Variants in VTI1A observed in about 807,000 individuals in gnomAD.
The protein encoded by VTI1A is vesicle transport through interaction with t-SNAREs 1A.
A neutral mutation model predicts 34.9 loss-of-function variants in VTI1A; 22 were observed. That is an observed-to-expected ratio of 0.63 (90% CI 0.45 to 0.90). The LOEUF is 0.90. Ranked by LOEUF, VTI1A falls within the 40% of genes least tolerant of loss-of-function variation. The pLI is 0.00. For synonymous variants in VTI1A, 87 were observed against 97.3 expected (o/e 0.89, Z 0.62); for missense variants, 268 against 275.6 (o/e 0.97, Z 0.20).
At chr10:112,760,969 T>G (rs1851445503) in intron 7 of VTI1A, among the ~76,000 whole-genome samples, 2 of 152,120 alleles carry the variant, frequency 1.3e-5, no homozygotes, top group Admixed American at 1.3e-4. Flanking sequence ...CACATTTGAT[T>G]TAAGAATGCA....
intron 3 of VTI1A, among the ~76,000 whole-genome samples, chr10:112,511,706 C>T (rs773592285): frequency 3.2e-4 from 48 of 152,076 alleles, no homozygotes; most frequent in Non-Finnish European, 6.2e-4. Context: ...TCTTCATCCT[C>T]CCTCCTCCTC....
intron 5 of VTI1A, among the ~76,000 whole-genome samples, chr10:112,605,856 A>G (rs1342698910): frequency 6.6e-6 from 1 of 152,166 alleles, no homozygotes; most frequent in Non-Finnish European, 1.5e-5. Context: ...TGGAGAGTGC[A>G]TCTTAAGTTA....
intron 5 of VTI1A, among the ~76,000 whole-genome samples, chr10:112,632,932 T>C (rs1488790102): frequency 6.6e-6 from 1 of 152,264 alleles, no homozygotes; most frequent in African/African-American, 2.4e-5. Context: ...GAAATACTTC[T>C]TATTTTGTTG....
At chr10:112,562,103 A>G (rs1193701260) in intron 5 of VTI1A, among the ~76,000 whole-genome samples, 1 of 152,138 alleles carries the variant, frequency 6.6e-6, no homozygotes, top group Non-Finnish European at 1.5e-5. Context: ...GCAAATGCCT[A>G]TTTTTCTGCT....
chr10:112,460,577 G>A lies in VTI1A; in HGVS notation c.148G>A (p.Glu50Lys), dbSNP rs773619213. The A allele has an allele frequency of 1.9e-6, 3 of 1,608,676 alleles. No individual in the cohort carries two copies. In the African/African-American group the frequency reaches 4.0e-5, roughly 22 times the overall value. The change falls in exon 2 of 8, where the codon GAA becomes AAA. Residue 50 changes from glutamate to lysine, a missense_variant. Transcript: ENST00000393077. ...GGAGAAACAGCTTGAAGAAGCGAAA[G>A]AACTGGTATGTACAGACAGTAATGT... is the stretch of plus-strand genomic sequence containing the variant. ...NVEKQLEEAK[E>K]LLEQMDLEVR... is the part of the protein sequence containing the mutation.
chr10:112,449,148 C>T (rs1047529098), intron 1 of VTI1A: 2 of 152,186 alleles, frequency 1.3e-5, no homozygotes, highest in Admixed American at 6.6e-5. Context: ...TGCCGGAGAT[C>T]GTCTTGATTT....
chr10:112,476,964 G>T (rs1426819762), intron 3 of VTI1A, among the ~76,000 whole-genome samples: 1 of 152,132 alleles, frequency 6.6e-6, no homozygotes, highest in Non-Finnish European at 1.5e-5. Context: ...AGCCAGATCT[G>T]ATCTCTAGGG....
chr10:112,614,508 C>G (rs1253881569), intron 5 of VTI1A, among the ~76,000 whole-genome samples: 1 of 152,062 alleles, frequency 6.6e-6, no homozygotes, highest in Non-Finnish European at 1.5e-5. Context: ...AACTTAGTCT[C>G]TTATAAGAAA....
intron 5 of VTI1A, among the ~76,000 whole-genome samples, chr10:112,598,316 C>A (rs1844747217): frequency 6.6e-6 from 1 of 152,104 alleles, no homozygotes; most frequent in African/African-American, 2.4e-5. Flanking sequence ...AGTTTATGTA[C>A]CATTTATTGA....
intron 3 of VTI1A, among the ~76,000 whole-genome samples, chr10:112,495,807 A>G (rs1158898486): frequency 6.6e-6 from 1 of 152,184 alleles, no homozygotes; most frequent in African/African-American, 2.4e-5. Flanking sequence ...TTAGAATTGT[A>G]TTTAGAATTG....
intron 1 of VTI1A, 21 bp downstream of exon 1, chr10:112,447,488 G>A: frequency 2.5e-6 from 4 of 1,611,554 alleles, no homozygotes; most frequent in Non-Finnish European, 3.4e-6. Flanking sequence ...TGCCCGGCTG[G>A]ACGAGGGTGC....
intron 7 of VTI1A, among the ~76,000 whole-genome samples, chr10:112,685,593 A>G (rs1848374805): frequency 6.6e-6 from 1 of 152,120 alleles, no homozygotes. Flanking sequence ...TTTCAAAAAC[A>G]TTTTTTGGTT....
chr10:112,787,794 T>G (rs1292690904), intron 7 of VTI1A, among the ~76,000 whole-genome samples: 1 of 148,278 alleles, frequency 6.7e-6, no homozygotes, highest in East Asian at 2.0e-4. Context: ...CTCCACCTCC[T>G]GTGTTCAAGC....
At chr10:112,820,211 C>T (rs1853629347), downstream of VTI1A, among the ~76,000 whole-genome samples, 1 of 152,218 alleles carries the variant, frequency 6.6e-6, no homozygotes, top group Non-Finnish European at 1.5e-5. Flanking sequence ...CAATCTGTCC[C>T]CCTTGGGATG....
intron 3 of VTI1A, among the ~76,000 whole-genome samples, chr10:112,474,573 A>G (rs1489855570): frequency 1.3e-5 from 2 of 150,878 alleles, no homozygotes; most frequent in Non-Finnish European, 2.9e-5. Flanking sequence ...TTCTCACCTT[A>G]TCCTCCAGAG....
chr10:112,517,280 C>CA (rs1849813963), intron 3 of VTI1A, among the ~76,000 whole-genome samples: 1 of 151,766 alleles, frequency 6.6e-6, no homozygotes, highest in Admixed American at 6.6e-5. Flanking sequence ...AAAAAGGACT[C>CA]AAAAGTGGCC....
At position 112,815,893 on chromosome 10, in the gene VTI1A, A is replaced by G. The variant is rs921716658; in HGVS notation, c.*510A>G. On this transcript the variant is annotated 3_prime_UTR_variant, in exon 8 of 8. Coordinates refer to ENST00000393077, the MANE Select transcript of VTI1A (RefSeq NM_145206.4). ...ACAGGCCTCATGAATATAGTCATCA[A>G]CCTGCCTGAGTGCTTTCATTGTAAA... 2 of 231,976 alleles carry G rather than the reference A, an allele frequency of 8.6e-6. No individual in the cohort carries two copies. The highest frequency in any genetic ancestry group is 2.2e-5 in the African/African-American group (1 of 45,222). 14.4% of individuals were successfully genotyped at this position (231,976 alleles called of 1,614,324 possible).
chr10:112,654,783 A>G lies in VTI1A; in HGVS notation c.428-13435A>G, dbSNP rs571977931. ...GGCGTGAGCCACCGCGCCCGGCCCC[A>G]TTCTTTTTATACTTTTCTCCATTTG... is the stretch of plus-strand genomic sequence containing the variant. On this transcript the variant is annotated intron_variant, in intron 5 of 7. Coordinates refer to ENST00000393077, the MANE Select transcript of VTI1A (RefSeq NM_145206.4). 1.1e-4 allele frequency among the ~76,000 whole-genome samples: 16 copies of G among 152,194 alleles called. No individual in the cohort carries two copies. In the East Asian group the frequency reaches 2.9e-3, roughly 28 times the overall value.
chr10:112,585,655 G>A (rs1371613897), intron 5 of VTI1A, among the ~76,000 whole-genome samples: 1 of 135,992 alleles, frequency 7.4e-6, no homozygotes, highest in Non-Finnish European at 1.5e-5. Context: ...ACAAAAGATT[G>A]TGGATTTCTT....
Sources: gnomAD v4.1 joint callset for allele counts (sites outside exome capture counted in the v4.1 genomes callset) on GRCh38, gnomAD v4.1.1 for gene constraint, MANE v1.5 for transcripts, NCBI Gene and HGNC (gene_info 2026-07-23, HGNC 2026-07-21) for gene names.